The following CFHR3 variants were observed in gnomAD, a reference collection of about 807,000 sequenced individuals.
CFHR3 encodes the protein complement factor H related 3.
In CFHR3, 22 loss-of-function variants were observed where a neutral mutation model predicts 36.0. The ratio of observed to expected loss-of-function variants is 0.61; its 90% CI spans 0.44 to 0.87. The LOEUF (loss-of-function observed/expected upper bound fraction) is 0.87. CFHR3 is among the 40% of genes least tolerant of loss of function. CFHR3 has a pLI of 0.00. For synonymous variants in CFHR3, 97 were observed against 137.4 expected, an observed-to-expected ratio of 0.71 and a Z score of 2.06; for missense variants, 276 against 401.3, an observed-to-expected ratio of 0.69 and a Z score of 2.67.
intron 3 of CFHR3, among the ~76,000 whole-genome samples, chr1:196,784,892 C>G (rs1654127646): frequency 7.4e-6 from 1 of 136,036 alleles, no homozygotes; most frequent in African/African-American, 3.1e-5. Flanking sequence ...CAGTTTCTTC[C>G]TAGTCTCGAT....
At chr1:196,775,916 T>C (rs2124835915) in intron 1 of CFHR3, among the ~76,000 whole-genome samples, 1 of 136,612 alleles carries the variant, frequency 7.3e-6, no homozygotes, top group East Asian at 2.0e-4. Context: ...CTTTATTTGA[T>C]TCTAGGGAAA....
At position 196,776,930 on chromosome 1, in the gene CFHR3, G is replaced by A. The variant is rs1653746356; in HGVS notation, c.58+1986G>A. ...GGGTGTATTGTCCTTGCTGATTTTT[G>A]TCTTGTTGAATACTTTGTGTTTACA... On this transcript the variant is annotated intron_variant, in intron 1 of 5. Coordinates refer to ENST00000367425, the MANE Select transcript of CFHR3 (RefSeq NM_021023.6). Among the ~76,000 whole-genome samples the A allele has an allele frequency of 1.5e-5, 2 of 135,280 alleles. 1 individual carries two copies. Among genetic ancestry groups the A allele is most frequent in the Non-Finnish European group, 3.1e-5 (2 of 64,112 alleles). 88.7% of individuals were successfully genotyped at this position (135,280 alleles called of 152,430 possible). A position where few individuals can be genotyped will look rare whatever the true frequency, so the allele number is the denominator to read the frequency against.
intron 3 of CFHR3, among the ~76,000 whole-genome samples, chr1:196,781,585 C>G (rs1472509905): frequency 1.5e-5 from 2 of 136,880 alleles, no homozygotes; most frequent in Admixed American, 7.0e-5. Flanking sequence ...TGTTTTTTGG[C>G]TGCGTAAATG....
At position 196,790,023 on chromosome 1, in the gene CFHR3, C is replaced by T. The variant is rs537251967; in HGVS notation, c.614-22C>T. On this transcript the variant is annotated intron_variant, in intron 4 of 5. Coordinates refer to ENST00000367425, the MANE Select transcript of CFHR3 (RefSeq NM_021023.6). The stretch of plus-strand genomic sequence containing the variant: ...CAATAAGACTATTGATTTTTCCCCA[C>T]ATATAAAGTATTTTTTTTCAGATTC... The T allele has an allele frequency of 1.2e-4, 152 of 1,296,000 alleles. 31 individuals carry two copies. The Admixed American group carries it at 3.2e-3, about 28-fold the overall frequency. 80.3% of individuals were successfully genotyped at this position (1,296,000 alleles called of 1,614,324 possible). A position where few individuals can be genotyped will look rare whatever the true frequency, so the allele number is the denominator to read the frequency against.
chr1:196,779,869 C>T lies in CFHR3; in HGVS notation c.326C>T (p.Ser109Phe), dbSNP rs865994239. ...NYGRKFVQGN[S>F]TEVACHPGYG... ...GGAAGAAAGTTTGTACAGGGTAACT[C>T]TACAGAAGTTGCCTGCCATCCTGGC... Residue 109 changes from serine to phenylalanine, a missense_variant, in exon 3 of 6, where the codon TCT (serine) becomes TTT (phenylalanine). Ser to Phe is a radical substitution (Grantham distance 155). Transcript: ENST00000367425. 6.5e-7 allele frequency: 1 copy of T among 1,533,092 alleles called. No individual in the cohort carries two copies. Among genetic ancestry groups the T allele is most frequent in the Non-Finnish European group, 8.8e-7 (1 of 1,133,368 alleles). The allele number at this position is 1,533,092 out of a possible 1,614,324, so 95.0% of individuals were successfully genotyped here.
chr1:196,790,702 C>T lies in CFHR3; in HGVS notation c.796+475C>T, dbSNP rs372743761. 2.1e-4 allele frequency among the ~76,000 whole-genome samples: 27 copies of T among 129,584 alleles called. 4 individuals carry two copies. Among genetic ancestry groups the T allele is most frequent in the East Asian group, 1.6e-3 (8 of 4,990 alleles). The allele number at this position is 129,584 out of a possible 152,430, so 85.0% of individuals were successfully genotyped here. A position where few individuals can be genotyped will look rare whatever the true frequency, so the allele number is the denominator to read the frequency against. On this transcript the variant is annotated intron_variant, in intron 5 of 5. Coordinates refer to ENST00000367425, the MANE Select transcript of CFHR3 (RefSeq NM_021023.6). The stretch of plus-strand genomic sequence containing the variant: ...TTGCACCATTGCCCTCCAGCCTGGG[C>T]GACAGAGGGAGACCCCATCTCCAAA...
intron 3 of CFHR3, among the ~76,000 whole-genome samples, chr1:196,782,499 T>C (rs1321609508): frequency 7.3e-6 from 1 of 136,830 alleles, no homozygotes; most frequent in Admixed American, 7.0e-5. Context: ...TTTGTGGTTC[T>C]CCTTGAAGAG....
chr1:196,777,752 C>T (rs1653782461), intron 1 of CFHR3, among the ~76,000 whole-genome samples: 1 of 134,854 alleles, frequency 7.4e-6, no homozygotes, highest in Non-Finnish European at 1.6e-5. Flanking sequence ...TTTCGGGGGC[C>T]AAGGCGCGCG....
rs951629887 is a variant in CFHR3, at chr1:196,793,395, C to T, written c.875C>T (p.Ala292Val). 1 of 1,524,800 alleles carries T rather than the reference C, an allele frequency of 6.6e-7. No individual in the cohort carries two copies. The highest frequency in any genetic ancestry group is 1.7e-5 in the African/African-American group (1 of 59,860). The allele number at this position is 1,524,800 out of a possible 1,614,324, so 94.5% of individuals were successfully genotyped here. A position where few individuals can be genotyped will look rare whatever the true frequency, so the allele number is the denominator to read the frequency against. ...LKGRSDRKYYAKTGDTIEFMC... is the reference protein window; with the variant it reads ...LKGRSDRKYYVKTGDTIEFMC... ...GGAAGAAGTGACAGAAAATATTATG[C>T]AAAAACAGGGGATACCATTGAATTT... The change falls in exon 6 of 6, where the codon GCA (alanine) becomes GTA (valine). Residue 292 changes from alanine to valine, a missense_variant. Around this residue, in one of 3 missense-constraint regions of CFHR3, gnomAD observed 76 missense variants for 79.8 expected, o/e 0.95. Transcript: ENST00000367425.
rs958982999 is a variant in CFHR3 at position 196,793,246 on chromosome 1, T to A, written c.797-71T>A. The A allele has an allele frequency of 5.5e-6, 7 of 1,279,552 alleles. 1 individual carries two copies. The highest frequency in any genetic ancestry group is 7.4e-6 in the Non-Finnish European group (7 of 940,390). 79.3% of individuals were successfully genotyped at this position (1,279,552 alleles called of 1,614,324 possible). ...ATAATTTTATTTTATCCTAAACTAC[T>A]CATTAGGATGCATTTTATTTGCTCA... is the stretch of plus-strand genomic sequence containing the variant. On this transcript the variant is annotated intron_variant, in intron 5 of 5. Transcript: ENST00000367425.
At chr1:196,785,669 A>C (rs1654167899) in intron 3 of CFHR3, among the ~76,000 whole-genome samples, 1 of 136,854 alleles carries the variant, frequency 7.3e-6, no homozygotes, top group Non-Finnish European at 1.5e-5. Flanking sequence ...TCCTTTAAGC[A>C]CTTCTCTGTA....
chr1:196,783,013 G>A (rs1373687522), intron 3 of CFHR3, among the ~76,000 whole-genome samples: 1 of 136,964 alleles, frequency 7.3e-6, no homozygotes, highest in East Asian at 2.0e-4. Context: ...TTAGCATGAA[G>A]CGTTGTTGAA....
rs1193661234 is a variant in CFHR3 at position 196,788,771 on chromosome 1, G to A, written c.613+373G>A. 7.8e-5 allele frequency: 113 copies of A among 1,455,412 alleles called. 18 individuals carry two copies. Among genetic ancestry groups the A allele is most frequent in the Middle Eastern group, 7.5e-4 (4 of 5,316 alleles). 90.2% of individuals were successfully genotyped at this position (1,455,412 alleles called of 1,614,324 possible). On this transcript the variant is annotated intron_variant, in intron 4 of 5. Coordinates refer to ENST00000367425, the MANE Select transcript of CFHR3 (RefSeq NM_021023.6). ...TGCTTGTATTGCATTCCGTGCTCAC[G>A]CTCAGAAAAGTTGTACATGTCGGGG...
chr1:196,788,701 AAAACT>A, intron 4 of CFHR3: 1 of 1,455,462 alleles, frequency 6.9e-7, no homozygotes, highest in Non-Finnish European at 9.1e-7. Context: ...GTTGCCAATA[AAAACT>A]TTGTTGTCTT....
chr1:196,780,955 C>T (rs1653924504), intron 3 of CFHR3, among the ~76,000 whole-genome samples: 1 of 81,168 alleles, frequency 1.2e-5, no homozygotes, highest in South Asian at 6.6e-4. Context: ...TCCCCCCTCC[C>T]CCCACCCCAC....
chr1:196,784,627 C>T lies in CFHR3; in HGVS notation c.431-3589C>T, dbSNP rs1220329584. 2.0e-4 allele frequency among the ~76,000 whole-genome samples: 27 copies of T among 135,432 alleles called. 8 individuals are homozygous for T. Among genetic ancestry groups the T allele is most frequent in the African/African-American group, 5.6e-4 (18 of 31,920 alleles). 88.8% of individuals were successfully genotyped at this position (135,432 alleles called of 152,430 possible). A position where few individuals can be genotyped will look rare whatever the true frequency, so the allele number is the denominator to read the frequency against. ...TTCATCAGAGACTAGGATTGCAACC[C>T]CTGCCTTTTTTTGTTTTCCATTTGC... On this transcript the variant is annotated intron_variant, in intron 3 of 5. Transcript: ENST00000367425.
chr1:196,786,442 T>A (rs2124855995), intron 3 of CFHR3, among the ~76,000 whole-genome samples: 1 of 135,942 alleles, frequency 7.4e-6, no homozygotes, highest in East Asian at 2.0e-4. Flanking sequence ...CTCCTTGAGC[T>A]GTGGTGGGCT....
intron 1 of CFHR3, 75 bp from the exon 2 acceptor site, chr1:196,779,087 T>C (rs1653841252): frequency 3.6e-6 from 4 of 1,125,716 alleles, no homozygotes; most frequent in Non-Finnish European, 3.8e-6. Flanking sequence ...GAGAAGGTGA[T>C]ATCAAAATTT....
rs188655009 is a variant in CFHR3, at chr1:196,776,538, A to G, written c.58+1594A>G. On this transcript the variant is annotated intron_variant, in intron 1 of 5. Transcript: ENST00000367425. ...AATGATTCAGGTGGGTCCTACTCCA[A>G]TATAACTGGTGTCCATATAAGAAGA... 8.8e-4 allele frequency among the ~76,000 whole-genome samples: 121 copies of G among 136,862 alleles called. 12 individuals are homozygous for G. The highest frequency in any genetic ancestry group is 2.5e-4 in the Non-Finnish European group (16 of 64,514). The allele number at this position is 136,862 out of a possible 152,430, so 89.8% of individuals were successfully genotyped here. A position where few individuals can be genotyped will look rare whatever the true frequency, so the allele number is the denominator to read the frequency against.
Sources: gnomAD v4.1 joint callset for allele counts (sites outside exome capture counted in the v4.1 genomes callset) on GRCh38, gnomAD v4.1.1 for gene constraint, gnomAD v4.1.1 regional missense constraint, MANE v1.5 for transcripts, NCBI Gene and HGNC (gene_info 2026-07-23, HGNC 2026-07-21) for gene names.